Variants in SARNP observed in about 807,000 individuals in gnomAD.
SARNP encodes SAP domain-containing ribonucleoprotein.
A neutral mutation model predicts 38.1 loss-of-function variants in SARNP; 5 were observed. That is an observed-to-expected ratio of 0.13 (90% CI 0.07 to 0.28). SARNP has a LOEUF of 0.28. SARNP is among the 10% of genes least tolerant of loss of function. The probability of loss-of-function intolerance (pLI) is 1.00; values close to 1 mark genes in which losing one functional copy is unlikely to be tolerated. For missense variants in SARNP, 180 were observed against 243.9 expected, an observed-to-expected ratio of 0.74 and a Z score of 1.75; for synonymous variants, 84 against 80.6, an observed-to-expected ratio of 1.04 and a Z score of -0.23.
chr12:55,787,413 G>A (rs1031439008), intron 9 of SARNP, among the ~76,000 whole-genome samples: 5 of 152,028 alleles, frequency 3.3e-5, no homozygotes, highest in South Asian at 4.1e-4. Context: ...AGAGCTAAAC[G>A]CTTTCATGCT....
At chr12:55,774,559 GAAAAAAAAAAAAAAACAAAC>G (rs1426214209) in intron 9 of SARNP, among the ~76,000 whole-genome samples, 11 of 85,864 alleles carry the variant, frequency 1.3e-4, no homozygotes, top group South Asian at 7.4e-4. Context: ...CGTCTCTACT[GAAAAAAAAAAAAAAACAAAC>G]AAAAAAAAAA....
At chr12:55,767,864 A>G (rs1307187817) in intron 9 of SARNP, among the ~76,000 whole-genome samples, 2 of 150,352 alleles carry the variant, frequency 1.3e-5, no homozygotes, top group Non-Finnish European at 3.0e-5. Context: ...AAAAAAAAAA[A>G]AAAAAAAGGA....
At chr12:55,785,941 G>A (rs952562347) in intron 9 of SARNP, among the ~76,000 whole-genome samples, 1 of 152,162 alleles carries the variant, frequency 6.6e-6, no homozygotes, top group Non-Finnish European at 1.5e-5. Context: ...ACCTGGCCCT[G>A]TATCCAATTA....
At chr12:55,778,901 G>A (rs912158083) in intron 9 of SARNP, among the ~76,000 whole-genome samples, 1 of 152,206 alleles carries the variant, frequency 6.6e-6, no homozygotes, top group Non-Finnish European at 1.5e-5. Context: ...AACCTGAGAG[G>A]CAGAGGTTGC....
At chr12:55,808,309 C>T (rs993648873) in intron 1 of SARNP, among the ~76,000 whole-genome samples, 1 of 151,846 alleles carries the variant, frequency 6.6e-6, no homozygotes, top group Non-Finnish European at 1.5e-5. Flanking sequence ...CAGAGTGAGA[C>T]CCTGTTCCTA....
intron 4 of SARNP, among the ~76,000 whole-genome samples, chr12:55,798,926 TA>T: frequency 6.6e-6 from 1 of 152,282 alleles, no homozygotes. Context: ...ACAGTACATG[TA>T]AAACATTCAG....
At chr12:55,755,218 C>G (rs1404750863), downstream of SARNP, 1 of 151,980 alleles carries the variant, frequency 6.6e-6, no homozygotes, top group Non-Finnish European at 1.5e-5. Flanking sequence ...CAAGAGAACT[C>G]AGCTCAACAC....
intron 7 of SARNP, among the ~76,000 whole-genome samples, chr12:55,791,333 G>A (rs1205472148): frequency 6.6e-6 from 1 of 152,144 alleles, no homozygotes; most frequent in African/African-American, 2.4e-5. Flanking sequence ...TATATAAATT[G>A]CATCTCAGTA....
chr12:55,782,386 T>C (rs544229747), intron 9 of SARNP, among the ~76,000 whole-genome samples: 6 of 152,322 alleles, frequency 3.9e-5, no homozygotes, highest in Admixed American at 1.3e-4. Context: ...TTTCCTATAA[T>C]GTCCTAAAGT....
intron 4 of SARNP, among the ~76,000 whole-genome samples, chr12:55,796,431 T>C (rs543912779): frequency 1.8e-4 from 28 of 152,316 alleles, no homozygotes; most frequent in African/African-American, 6.7e-4. Flanking sequence ...AGACGGAGTT[T>C]TGCTCTTGTC....
intron 8 of SARNP, among the ~76,000 whole-genome samples, chr12:55,789,608 C>G (rs1879604043): frequency 6.6e-6 from 1 of 152,178 alleles, no homozygotes; most frequent in Non-Finnish European, 1.5e-5. Flanking sequence ...CTTCCCTCCT[C>G]TTTCTTGGAA....
intron 9 of SARNP, among the ~76,000 whole-genome samples, chr12:55,765,871 A>T (rs1228232969): frequency 6.6e-6 from 1 of 152,126 alleles, no homozygotes; most frequent in Non-Finnish European, 1.5e-5. Context: ...TGGGCCCAGT[A>T]AATCAACACA....
At chr12:55,791,327 TA>T (rs1879661816) in intron 7 of SARNP, among the ~76,000 whole-genome samples, 1 of 152,252 alleles carries the variant, frequency 6.6e-6, no homozygotes, top group Non-Finnish European at 1.5e-5. Flanking sequence ...GTATGTTATA[TA>T]AATTGCATCT....
intron 4 of SARNP, among the ~76,000 whole-genome samples, chr12:55,800,278 T>TA (rs557481968): frequency 2.8e-4 from 42 of 152,260 alleles, no homozygotes; most frequent in African/African-American, 9.9e-4. Context: ...AATAATCTAT[T>TA]ATGGTGACCC....
Position 55,777,478 on chromosome 12 carries a change from G to A in SARNP, c.501+11597C>T, listed in dbSNP as rs867480658. 2.6e-5 allele frequency among the ~76,000 whole-genome samples: 4 copies of A among 151,724 alleles called. No individual in the cohort carries two copies. In the Middle Eastern group the frequency reaches 0.01, roughly 387 times the overall value. ...CAACCTCTGCCTCCCGGGTTCAAGC[G>A]ATTCTCCTGCCTCAGCCTCCCGAGT... On this transcript the variant is annotated intron_variant, in intron 9 of 10. Coordinates refer to ENST00000336133, the MANE Select transcript of SARNP (RefSeq NM_033082.4).
At chr12:55,793,924 C>T (rs1879746271) in intron 7 of SARNP, 1 of 173,510 alleles carries the variant, frequency 5.8e-6, no homozygotes, top group Non-Finnish European at 1.2e-5. Flanking sequence ...GTGATAATCC[C>T]TGAGGCTAAG....
Position 55,817,111 on chromosome 12 carries a change from G to A in SARNP, c.36+555C>T, listed in dbSNP as rs556923061. On this transcript the variant is annotated intron_variant, in intron 1 of 10. Coordinates refer to ENST00000336133, the MANE Select transcript of SARNP (RefSeq NM_033082.4). ...CCTCAACCCCAGGCTTCTAAGGCGA[G>A]ACCGATCTTCTGAGAGGCCTCTCCC... Among the ~76,000 whole-genome samples the A allele has an allele frequency of 2.6e-4, 39 of 152,254 alleles. 1 individual carries two copies. Among genetic ancestry groups the A allele is most frequent in the Admixed American group, 1.8e-3 (28 of 15,286 alleles).
At chr12:55,803,853 T>C in intron 1 of SARNP, 125 bp from the exon 2 acceptor site, 2 of 621,424 alleles carry the variant, frequency 3.2e-6, no homozygotes, top group South Asian at 4.1e-5. Context: ...TGCCCTTAAT[T>C]CTACCAAGGC....
chr12:55,816,171 G>A (rs1592587458), intron 1 of SARNP, among the ~76,000 whole-genome samples: 1 of 152,154 alleles, frequency 6.6e-6, no homozygotes, highest in African/African-American at 2.4e-5. Context: ...TAAGTCATCG[G>A]GCAGCTGGTG....
Sources: gnomAD v4.1 joint callset for allele counts (sites outside exome capture counted in the v4.1 genomes callset) on GRCh38, gnomAD v4.1.1 for gene constraint, MANE v1.5 for transcripts, NCBI Gene and HGNC (gene_info 2026-07-23, HGNC 2026-07-21) for gene names.